The following MYRIP variants were observed in gnomAD, a reference collection of about 807,000 sequenced individuals.
The protein encoded by MYRIP is myosin VIIA and Rab interacting protein.
A neutral mutation model predicts 98.0 loss-of-function variants in MYRIP; 49 were observed. The observed-to-expected ratio is 0.50, with a 90% CI of 0.40 to 0.63. MYRIP has a LOEUF of 0.63. MYRIP is among the 30% of genes least tolerant of loss of function. The pLI, the probability that MYRIP is intolerant of heterozygous loss-of-function variation, is 0.00. For missense variants in MYRIP, 1,004 were observed against 1,058.2 expected (o/e 0.95, Z 0.71); for synonymous variants, 404 against 409.5 (o/e 0.99, Z 0.16).
chr3:39,959,043 A>T (rs1365147476), intron 2 of MYRIP, among the ~76,000 whole-genome samples: 2 of 152,166 alleles, frequency 1.3e-5, no homozygotes, highest in African/African-American at 4.8e-5. Flanking sequence ...GCTGGAGAGG[A>T]TGTGGAGAAA....
In MYRIP at chr3:39,877,187, C is replaced by A. The variant is rs181390360; in HGVS notation, c.-30-23600C>A. 3.5e-3 allele frequency among the ~76,000 whole-genome samples: 534 copies of A among 152,336 alleles called. 3 individuals carry two copies. Among genetic ancestry groups the A allele is most frequent in the Admixed American group, 6.8e-3 (104 of 15,302 alleles). Reference sequence around the variant, plus strand: ...ATAGTTCTCGAGCCTTGGTTTTCAGCTCCACCAGCTCCTTTAAGCACTTCT... The same window carrying A: ...ATAGTTCTCGAGCCTTGGTTTTCAGATCCACCAGCTCCTTTAAGCACTTCT... On this transcript the variant is annotated intron_variant, in intron 1 of 16. Transcript: ENST00000302541.
intron 3 of MYRIP, among the ~76,000 whole-genome samples, chr3:40,101,934 T>C (rs1047352312): frequency 3.3e-5 from 5 of 152,220 alleles, no homozygotes; most frequent in African/African-American, 9.6e-5. Context: ...GTAGGGCTTA[T>C]TGACTGGTTG....
chr3:40,095,554 T>C (rs1056636080), intron 3 of MYRIP, among the ~76,000 whole-genome samples: 5 of 152,080 alleles, frequency 3.3e-5, no homozygotes, highest in African/African-American at 1.2e-4. Context: ...GGGGAGAATT[T>C]CCCGAAGCCC....
chr3:40,137,710 T>G (rs1949810627), intron 3 of MYRIP, among the ~76,000 whole-genome samples: 1 of 152,040 alleles, frequency 6.6e-6, no homozygotes, highest in African/African-American at 2.4e-5. Flanking sequence ...ACTGGGAGTC[T>G]TGCCCATTTT....
chr3:39,842,726 C>A (rs530319821), intron 1 of MYRIP, among the ~76,000 whole-genome samples: 25 of 152,076 alleles, frequency 1.6e-4, no homozygotes, highest in African/African-American at 6.0e-4. Flanking sequence ...GTTCCCTGAC[C>A]CCTTGCGCTT....
intron 3 of MYRIP, among the ~76,000 whole-genome samples, chr3:40,094,138 G>T (rs1335827115): frequency 6.6e-6 from 1 of 152,196 alleles, no homozygotes; most frequent in Non-Finnish European, 1.5e-5. Flanking sequence ...TATCCAGTGA[G>T]TTTATGTCCA....
At chr3:40,230,206 T>G (rs1317217) in intron 11 of MYRIP, among the ~76,000 whole-genome samples, 48,090 of 152,066 alleles carry the variant, frequency 0.32, 8,512 homozygotes, top group East Asian at 0.58. Flanking sequence ...ATGATTAATA[T>G]CTGGAGAAAG....
intron 2 of MYRIP, among the ~76,000 whole-genome samples, chr3:39,976,725 A>T (rs1418245717): frequency 2.0e-5 from 3 of 152,220 alleles, no homozygotes; most frequent in Non-Finnish European, 4.4e-5. Context: ...ATAAAAAAGG[A>T]TGAGTTCCTT....
chr3:40,228,381 T>A (rs1332483040), intron 11 of MYRIP, among the ~76,000 whole-genome samples: 1 of 152,226 alleles, frequency 6.6e-6, no homozygotes, highest in Non-Finnish European at 1.5e-5. Context: ...AAGATTCATT[T>A]TTTTCTTATA....
At chr3:40,241,873 C>T in intron 12 of MYRIP, among the ~76,000 whole-genome samples, 1 of 152,194 alleles carries the variant, frequency 6.6e-6, no homozygotes, top group East Asian at 1.9e-4. Context: ...GCTAGAATAA[C>T]ATTTTCATCA....
chr3:39,995,622 A>G (rs1946327786), intron 2 of MYRIP, among the ~76,000 whole-genome samples: 1 of 152,244 alleles, frequency 6.6e-6, no homozygotes, highest in Admixed American at 6.5e-5. Context: ...GCAGGATATT[A>G]TACAGAAGAA....
At chr3:39,903,468 T>C (rs553910185) in intron 2 of MYRIP, among the ~76,000 whole-genome samples, 2 of 152,180 alleles carry the variant, frequency 1.3e-5, no homozygotes, top group African/African-American at 2.4e-5. Context: ...TTGAGTGTAG[T>C]AGAGCTTATC....
At chr3:39,818,635 C>A (rs557505335) in intron 1 of MYRIP, among the ~76,000 whole-genome samples, 1 of 152,072 alleles carries the variant, frequency 6.6e-6, no homozygotes, top group African/African-American at 2.4e-5. Context: ...CTATGATAGA[C>A]TTTTGATTGT....
In MYRIP at chr3:40,170,107, C is replaced by T. The variant is rs200521636; in HGVS notation, c.873+14C>T. ...GCTGCCCTCTGGGTGAGTCCCCAAG[C>T]AGTGCTGGTCTACCCTCCACACGTG... On this transcript the variant is annotated intron_variant, in intron 8 of 16. Transcript: ENST00000302541. The T allele has an allele frequency of 6.2e-7, 1 of 1,613,604 alleles. No homozygotes were observed. The highest frequency in any genetic ancestry group is 8.5e-7 in the Non-Finnish European group (1 of 1,179,900).
intron 2 of MYRIP, among the ~76,000 whole-genome samples, chr3:39,999,086 C>G (rs1165381173): frequency 6.6e-6 from 1 of 152,112 alleles, no homozygotes; most frequent in Non-Finnish European, 1.5e-5. Context: ...TAGAAGAAAA[C>G]CTAGGCAATA....
At chr3:40,031,525 T>C (rs950558028) in intron 2 of MYRIP, among the ~76,000 whole-genome samples, 12 of 152,102 alleles carry the variant, frequency 7.9e-5, no homozygotes, top group African/African-American at 2.9e-4. Flanking sequence ...GAAAATGAGA[T>C]GCCTGCTTAG....
chr3:40,167,129 C>T (rs765066045), intron 6 of MYRIP, 30 bp from the exon 7 acceptor site: 1 of 1,609,344 alleles, frequency 6.2e-7, no homozygotes. Context: ...AATCCACCCA[C>T]AGCACACAGC....
intron 11 of MYRIP, among the ~76,000 whole-genome samples, chr3:40,211,906 G>A (rs576934759): frequency 8.2e-4 from 124 of 151,974 alleles, no homozygotes; most frequent in Middle Eastern, 3.4e-3. Flanking sequence ...TGGGGACTTG[G>A]ACAAGCGCCC....
chr3:39,979,033 A>G lies in MYRIP; in HGVS notation c.111-65017A>G, dbSNP rs189075786. Among the ~76,000 whole-genome samples, 3 of 152,320 alleles carry G rather than the reference A, an allele frequency of 2.0e-5. No individual in the cohort carries two copies. The East Asian group carries it at 5.8e-4, about 29-fold the overall frequency. Reference sequence around the variant, plus strand: ...AGAAATGCTGATAGCTTCATTGTACATTAGTGTTGACTCGTGAATGAAAAG... The same window carrying G: ...AGAAATGCTGATAGCTTCATTGTACGTTAGTGTTGACTCGTGAATGAAAAG... On this transcript the variant is annotated intron_variant, in intron 2 of 16. Coordinates refer to ENST00000302541, the MANE Select transcript of MYRIP (RefSeq NM_015460.4).
Sources: allele counts gnomAD v4.1 joint callset (sites outside exome capture counted in the v4.1 genomes callset), GRCh38; gene constraint gnomAD v4.1.1; transcripts MANE v1.5; gene names NCBI Gene and HGNC (gene_info 2026-07-23, HGNC 2026-07-21).